The following SERTAD2 variants were observed in gnomAD, a reference collection of about 807,000 sequenced individuals.
The protein encoded by SERTAD2 is SERTA domain-containing protein 2.
A neutral mutation model predicts 15.4 loss-of-function variants in SERTAD2; 2 were observed. The ratio of observed to expected loss-of-function variants is 0.13; its 90% CI spans 0.05 to 0.41. The LOEUF (loss-of-function observed/expected upper bound fraction) is 0.41, where lower values mean the gene tolerates loss of function less well. Ranked by LOEUF, SERTAD2 falls within the 10% of genes least tolerant of loss-of-function variation. The probability of loss-of-function intolerance (pLI) is 0.99; values close to 1 mark genes in which losing one functional copy is unlikely to be tolerated. For missense variants in SERTAD2, 333 were observed against 409.7 expected (o/e 0.81, Z 1.62); for synonymous variants, 180 against 178.0 (o/e 1.01, Z -0.09).
rs1674559570 is a variant in SERTAD2 at position 64,632,623 on chromosome 2, G to A, written c.*3304C>T. Reference sequence around the variant, plus strand: ...CCTTTGATGCTTTTCTTAAAAATTTGGAGGTATTAAAACATTCCTCATACC... The same window carrying A: ...CCTTTGATGCTTTTCTTAAAAATTTAGAGGTATTAAAACATTCCTCATACC... On this transcript the variant is annotated 3_prime_UTR_variant, in exon 2 of 2. Coordinates refer to ENST00000313349, the MANE Select transcript of SERTAD2 (RefSeq NM_014755.3). 1 of 152,546 alleles carries A rather than the reference G, an allele frequency of 6.6e-6. No individual in the cohort carries two copies. The highest frequency in any genetic ancestry group is 2.4e-5 in the African/African-American group (1 of 41,404). 9.4% of individuals were successfully genotyped at this position (152,546 alleles called of 1,614,324 possible).
At position 64,648,806 on chromosome 2, in the gene SERTAD2, G is replaced by A. The variant is rs116145632; in HGVS notation, c.-5+4814C>T. ...AGCTAAGAATCACTGCCAGTGAAAC[G>A]TATTTTATTTTATATTTCTGGACAT... On this transcript the variant is annotated intron_variant, in intron 1 of 1. Coordinates refer to ENST00000313349, the MANE Select transcript of SERTAD2 (RefSeq NM_014755.3). Among the ~76,000 whole-genome samples the A allele has an allele frequency of 6.4e-3, 971 of 152,138 alleles. 9 individuals are homozygous for A. Among genetic ancestry groups the A allele is most frequent in the Non-Finnish European group, 8.7e-3 (590 of 67,982 alleles).
intron 1 of SERTAD2, among the ~76,000 whole-genome samples, chr2:64,644,103 T>C (rs529303076): frequency 6.6e-6 from 1 of 152,218 alleles, no homozygotes; most frequent in Non-Finnish European, 1.5e-5. Flanking sequence ...GCGATTGTCT[T>C]ATGAGAAGGC....
At position 64,636,415 on chromosome 2, in the gene SERTAD2, C is replaced by A; in HGVS notation, c.457G>T (p.Ala153Ser). The A allele has an allele frequency of 6.2e-7, 1 of 1,614,172 alleles. No homozygotes were observed. The highest frequency in any genetic ancestry group is 8.5e-7 in the Non-Finnish European group (1 of 1,180,028). ...GCTGGAGGTGACAGTTTGGTGGGAG[C>A]CGTGGGCTGCATGGCCTGGGAGGTG... Reference protein sequence around the residue: ...FCTSQAMQPTAPTKLSPPALL... With the variant: ...FCTSQAMQPTSPTKLSPPALL... Residue 153 changes from alanine to serine, a missense_variant, in exon 2 of 2, where the codon GCT becomes TCT. Physicochemically the swap from Ala to Ser is moderately conservative, Grantham distance 99. Transcript: ENST00000313349.
intron 1 of SERTAD2, among the ~76,000 whole-genome samples, chr2:64,646,064 A>G (rs536535446): frequency 6.6e-6 from 1 of 152,356 alleles, no homozygotes; most frequent in East Asian, 1.9e-4. Flanking sequence ...GAGTAGAATT[A>G]TACAGTTTCT....
rs983519278 is a variant in SERTAD2 at position 64,633,048 on chromosome 2, T to C, written c.*2879A>G. 1.4e-4 allele frequency: 22 copies of C among 152,544 alleles called. No homozygotes were observed. The highest frequency in any genetic ancestry group is 4.8e-4 in the African/African-American group (20 of 41,422). 9.4% of individuals were successfully genotyped at this position (152,544 alleles called of 1,614,324 possible). ...CCTGGATGCCATGTGATGTCTTTCA[T>C]AAAGGGAAGGCACTGCTGGAAGCAC... On this transcript the variant is annotated 3_prime_UTR_variant, in exon 2 of 2. Transcript: ENST00000313349.
chr2:64,651,226 A>G (rs1336929166), intron 1 of SERTAD2, among the ~76,000 whole-genome samples: 1 of 152,242 alleles, frequency 6.6e-6, no homozygotes, highest in African/African-American at 2.4e-5. Flanking sequence ...CCACAGCAAA[A>G]GAAACCTCTC....
rs148922107 is a variant in SERTAD2, at chr2:64,635,014, C to T, written c.*913G>A. On this transcript the variant is annotated 3_prime_UTR_variant, in exon 2 of 2. Transcript: ENST00000313349. Reference sequence around the variant, plus strand: ...ATGCAAGTTTGATGAGCACATGTGGCTCTGGCTTTGGAAGTCACAGTACTG... The same window carrying T: ...ATGCAAGTTTGATGAGCACATGTGGTTCTGGCTTTGGAAGTCACAGTACTG... 6.5e-6 allele frequency: 1 copy of T among 152,800 alleles called. No individual in the cohort carries two copies. The highest frequency in any genetic ancestry group is 1.5e-5 in the Non-Finnish European group (1 of 68,046). 9.5% of individuals were successfully genotyped at this position (152,800 alleles called of 1,614,324 possible). A position where few individuals can be genotyped will look rare whatever the true frequency, so the allele number is the denominator to read the frequency against.
intron 1 of SERTAD2, among the ~76,000 whole-genome samples, chr2:64,637,844 T>C (rs1329033832): frequency 6.6e-6 from 1 of 152,222 alleles, no homozygotes; most frequent in African/African-American, 2.4e-5. Flanking sequence ...TGTCCTCTCT[T>C]GCTCTGGCCT....
At chr2:64,641,667 T>C (rs1450437165) in intron 1 of SERTAD2, among the ~76,000 whole-genome samples, 2 of 152,024 alleles carry the variant, frequency 1.3e-5, no homozygotes, top group Admixed American at 6.6e-5. Context: ...TGTGTGTCCT[T>C]GAGCGTGAAC....
In SERTAD2 at chr2:64,641,174, C is replaced by T. The variant is rs115582904; in HGVS notation, c.-4-4299G>A. 4.2e-3 allele frequency among the ~76,000 whole-genome samples: 647 copies of T among 152,334 alleles called. 7 individuals carry two copies. Among genetic ancestry groups the T allele is most frequent in the African/African-American group, 0.015 (617 of 41,574 alleles). ...TGAAAACTAGTTTTCAACTGTGCAA[C>T]TTTTCATTAGGAAGGACCCTGCCTT... On this transcript the variant is annotated intron_variant, in intron 1 of 1. Transcript: ENST00000313349.
Position 64,634,167 on chromosome 2 carries a change from T to C in SERTAD2, c.*1760A>G, listed in dbSNP as rs1173915994. ...AAAAATTTTTAAATAAATATAAAAG[T>C]TATTCCTAAAGAAGCCATCTGCATA... On this transcript the variant is annotated 3_prime_UTR_variant, in exon 2 of 2. Coordinates refer to ENST00000313349, the MANE Select transcript of SERTAD2 (RefSeq NM_014755.3). The C allele has an allele frequency of 6.6e-6, 1 of 152,054 alleles. No homozygotes were observed. The highest frequency in any genetic ancestry group is 2.4e-5 in the African/African-American group (1 of 41,408). 9.4% of individuals were successfully genotyped at this position (152,054 alleles called of 1,614,324 possible). A position where few individuals can be genotyped will look rare whatever the true frequency, so the allele number is the denominator to read the frequency against.
chr2:64,636,070 C>G lies in SERTAD2; in HGVS notation c.802G>C (p.Ala268Pro). The G allele has an allele frequency of 2.5e-6, 4 of 1,614,158 alleles. No individual in the cohort carries two copies. Among genetic ancestry groups the G allele is most frequent in the Non-Finnish European group, 3.4e-6 (4 of 1,180,026 alleles). Residue 268 changes from alanine to proline, a missense_variant, in exon 2 of 2, where the codon GCC becomes CCC. Around this residue, in one of 2 missense-constraint regions of SERTAD2, gnomAD observed 332 missense variants for 392.9 expected, o/e 0.84. Transcript: ENST00000313349. ...FDPCTSSSGTASKMAPVSADD... is the reference protein window; with the variant it reads ...FDPCTSSSGTPSKMAPVSADD... ...GCAGACACAGGGGCCATTTTTGAGG[C>G]TGTCCCTGATGAGGAAGTGCAGGGG...
intron 1 of SERTAD2, among the ~76,000 whole-genome samples, chr2:64,648,030 T>G (rs1370193940): frequency 6.6e-6 from 1 of 152,234 alleles, no homozygotes; most frequent in Non-Finnish European, 1.5e-5. Flanking sequence ...GAGGAAAACC[T>G]GAGAAATGTT....
At chr2:64,639,926 G>C (rs1392793473) in intron 1 of SERTAD2, among the ~76,000 whole-genome samples, 1 of 152,188 alleles carries the variant, frequency 6.6e-6, no homozygotes, top group African/African-American at 2.4e-5. Context: ...GAAGGGGAGG[G>C]CAGAGGGCTC....
In SERTAD2 at chr2:64,631,726, CATGTGAAT is replaced by C. The variant is rs1457805271; in HGVS notation, c.*4193_*4200del. On this transcript the variant is annotated 3_prime_UTR_variant, in exon 2 of 2. Coordinates refer to ENST00000313349, the MANE Select transcript of SERTAD2 (RefSeq NM_014755.3). ...TTGTTTAGATTACAGCCCAAACCTA[CATGTGAAT>C]ACAGCCATCTGGGTTCCGATGTAAC... The C allele has an allele frequency of 6.6e-6, 1 of 152,648 alleles. No homozygotes were observed. Among genetic ancestry groups the C allele is most frequent in the Non-Finnish European group, 1.5e-5 (1 of 68,042 alleles). 9.5% of individuals were successfully genotyped at this position (152,648 alleles called of 1,614,324 possible).
intron 1 of SERTAD2, among the ~76,000 whole-genome samples, chr2:64,642,167 C>T (rs1674790898): frequency 6.6e-6 from 1 of 152,226 alleles, no homozygotes; most frequent in African/African-American, 2.4e-5. Flanking sequence ...CAACTGACAA[C>T]TGACATTAGA....
intron 1 of SERTAD2, among the ~76,000 whole-genome samples, chr2:64,638,646 T>C (rs948614221): frequency 1.3e-5 from 2 of 152,224 alleles, no homozygotes; most frequent in Non-Finnish European, 2.9e-5. Context: ...TTATGAAGAA[T>C]GTGGAGTTAC....
rs1204189446 is a variant in SERTAD2 at position 64,632,707 on chromosome 2, C to A, written c.*3220G>T. Reference sequence around the variant, plus strand: ...AGAGTAAAAATGAATGCGGACTGTGCATACAATGAGAAGACCTGGGGGCCT... The same window carrying A: ...AGAGTAAAAATGAATGCGGACTGTGAATACAATGAGAAGACCTGGGGGCCT... On this transcript the variant is annotated 3_prime_UTR_variant, in exon 2 of 2. Coordinates refer to ENST00000313349, the MANE Select transcript of SERTAD2 (RefSeq NM_014755.3). 1 of 152,634 alleles carries A rather than the reference C, an allele frequency of 6.6e-6. No individual in the cohort carries two copies. The highest frequency in any genetic ancestry group is 2.4e-5 in the African/African-American group (1 of 41,456). The allele number at this position is 152,634 out of a possible 1,614,324, so 9.5% of individuals were successfully genotyped here. A position where few individuals can be genotyped will look rare whatever the true frequency, so the allele number is the denominator to read the frequency against.
rs1252329904 is a variant in SERTAD2, at chr2:64,635,891, G to A, written c.*36C>T. ...CTGTCAGGGTTATGGGAACGCTCTGGGGTCTGGGTGGGCATAGTCGCTGGG... is the reference window on the plus strand; with the variant it reads ...CTGTCAGGGTTATGGGAACGCTCTGAGGTCTGGGTGGGCATAGTCGCTGGG... On this transcript the variant is annotated 3_prime_UTR_variant, in exon 2 of 2. Coordinates refer to ENST00000313349, the MANE Select transcript of SERTAD2 (RefSeq NM_014755.3). The A allele has an allele frequency of 6.7e-7, 1 of 1,498,910 alleles. No homozygotes were observed. Among genetic ancestry groups the A allele is most frequent in the East Asian group, 2.3e-5 (1 of 44,048 alleles). 92.9% of individuals were successfully genotyped at this position (1,498,910 alleles called of 1,614,324 possible).
Sources: allele counts gnomAD v4.1 joint callset (sites outside exome capture counted in the v4.1 genomes callset), GRCh38; gene constraint gnomAD v4.1.1; regional missense constraint gnomAD v4.1.1; transcripts MANE v1.5; gene names NCBI Gene and HGNC (gene_info 2026-07-23, HGNC 2026-07-21).